CHSY3: variants seen among roughly 807,000 people sequenced by gnomAD.
CHSY3 encodes chondroitin sulfate synthase 3, also known as N-acetylgalactosaminyl-proteoglycan 3-beta-glucuronosyltransferase 3.
CHSY3 carries 35 observed loss-of-function variants against 67.2 expected under a neutral mutation model. The ratio of observed to expected loss-of-function variants is 0.52; its 90% CI spans 0.40 to 0.69. CHSY3 has a LOEUF of 0.69. Among genes scored for constraint, CHSY3 ranks in the 30% least tolerant of loss-of-function variants. The pLI is 0.00. For synonymous variants in CHSY3, 474 were observed against 434.7 expected, an observed-to-expected ratio of 1.09 and a Z score of -1.12; for missense variants, 1,069 against 1,138.5, an observed-to-expected ratio of 0.94 and a Z score of 0.88.
chr5:130,167,249 A>G (rs999925278), intron 2 of CHSY3, among the ~76,000 whole-genome samples: 5 of 152,142 alleles, frequency 3.3e-5, no homozygotes, highest in African/African-American at 1.2e-4. Context: ...TTAGAGGGGA[A>G]GTTGGCTGGT....
At position 129,941,968 on chromosome 5, in the gene CHSY3, G is replaced by A. The variant is rs577861977; in HGVS notation, c.1086+33608G>A. Among the ~76,000 whole-genome samples the A allele has an allele frequency of 7.2e-5, 11 of 152,272 alleles. No individual in the cohort carries two copies. In the South Asian group the frequency reaches 2.1e-3, roughly 29 times the overall value. On this transcript the variant is annotated intron_variant, in intron 2 of 2. Coordinates refer to ENST00000305031, the MANE Select transcript of CHSY3 (RefSeq NM_175856.5). ...TTAGTGGTTTATTATAAAGGACACT[G>A]CAAAGGATACAGATAAAGAGATGCG...
In CHSY3 at chr5:130,186,016, T is replaced by C. The variant is rs1222773361; in HGVS notation, c.*225T>C. 1 of 276,114 alleles carries C rather than the reference T, an allele frequency of 3.6e-6. No individual in the cohort carries two copies. The highest frequency in any genetic ancestry group is 5.1e-5 in the Admixed American group (1 of 19,466). The allele number at this position is 276,114 out of a possible 1,614,324, so 17.1% of individuals were successfully genotyped here. A position where few individuals can be genotyped will look rare whatever the true frequency, so the allele number is the denominator to read the frequency against. On this transcript the variant is annotated 3_prime_UTR_variant, in exon 3 of 3. Transcript: ENST00000305031. ...TTTCAGATTTCTACTGAAGTCAATATGTTATTACTTTTATATAACTTTATT... is the reference window on the plus strand; with the variant it reads ...TTTCAGATTTCTACTGAAGTCAATACGTTATTACTTTTATATAACTTTATT...
At chr5:130,124,312 C>T (rs1005112348) in intron 2 of CHSY3, among the ~76,000 whole-genome samples, 12 of 151,986 alleles carry the variant, frequency 7.9e-5, no homozygotes, top group Admixed American at 2.0e-4. Flanking sequence ...TAATCTCTGC[C>T]CCTGAATCTT....
intron 2 of CHSY3, among the ~76,000 whole-genome samples, chr5:130,027,482 CTTA>C (rs1400807048): frequency 6.6e-6 from 1 of 151,746 alleles, no homozygotes; most frequent in African/African-American, 2.4e-5. Flanking sequence ...TAATTTTATT[CTTA>C]TTATACTTTA....
intron 2 of CHSY3, among the ~76,000 whole-genome samples, chr5:130,169,660 C>G (rs572724655): frequency 3.6e-4 from 53 of 146,208 alleles, no homozygotes; most frequent in Non-Finnish European, 6.9e-4. Flanking sequence ...CAAGGCTAAA[C>G]AGTTGGTTGC....
intron 2 of CHSY3, among the ~76,000 whole-genome samples, chr5:130,079,911 C>T (rs1766391284): frequency 6.6e-6 from 1 of 151,926 alleles, no homozygotes; most frequent in Admixed American, 6.6e-5. Flanking sequence ...CTCTGGCTAC[C>T]TTCTAATGAT....
chr5:129,938,804 A>G (rs1034766422), intron 2 of CHSY3, among the ~76,000 whole-genome samples: 5 of 152,140 alleles, frequency 3.3e-5, no homozygotes, highest in Non-Finnish European at 7.4e-5. Context: ...ATAATTTAAC[A>G]CGTCTCTAGG....
chr5:130,153,522 G>A lies in CHSY3; in HGVS notation c.1087-30707G>A, dbSNP rs368471820. ...CACCTTTGATCCTTTAAATCTCAGC[G>A]TATAATCCCCAATCTGGGAAGCCTT... is the stretch of plus-strand genomic sequence containing the variant. On this transcript the variant is annotated intron_variant, in intron 2 of 2. Transcript: ENST00000305031. Among the ~76,000 whole-genome samples, 325 of 151,950 alleles carry A rather than the reference G, an allele frequency of 2.1e-3. 6 individuals are homozygous for A. The South Asian group carries it at 0.036, about 17-fold the overall frequency.
intron 2 of CHSY3, among the ~76,000 whole-genome samples, chr5:130,078,824 G>C (rs1766355387): frequency 1.3e-5 from 2 of 152,302 alleles, no homozygotes; most frequent in African/African-American, 4.8e-5. Context: ...ACAGGCAGCT[G>C]TTGAGAAACA....
chr5:130,185,884 A>G lies in CHSY3; in HGVS notation c.*93A>G. 1.1e-5 allele frequency: 7 copies of G among 652,080 alleles called. No homozygotes were observed. The highest frequency in any genetic ancestry group is 1.6e-5 in the Non-Finnish European group (7 of 451,316). The allele number at this position is 652,080 out of a possible 1,614,324, so 40.4% of individuals were successfully genotyped here. On this transcript the variant is annotated 3_prime_UTR_variant, in exon 3 of 3. Coordinates refer to ENST00000305031, the MANE Select transcript of CHSY3 (RefSeq NM_175856.5). ...ATTGTATTATTGTTATTTTATTATTATTATTGTTATAATTTTATTTTGTTG... is the reference window on the plus strand; with the variant it reads ...ATTGTATTATTGTTATTTTATTATTGTTATTGTTATAATTTTATTTTGTTG...
At chr5:129,949,744 C>A (rs1405683689) in intron 2 of CHSY3, among the ~76,000 whole-genome samples, 1 of 152,148 alleles carries the variant, frequency 6.6e-6, no homozygotes, top group Non-Finnish European at 1.5e-5. Flanking sequence ...TTTAATAGCA[C>A]TTTACAAACA....
Position 130,185,071 on chromosome 5 carries a change from C to T in CHSY3, c.1929C>T (p.Asn643=), listed in dbSNP as rs1260474543. ...TGAGATTCATGGAGAACTTTGAAAA[C>T]ATGTGTCTTATCCCAAAGCAGAATG... The part of the protein sequence containing the change: ...IFLRFMENFE[N]MCLIPKQNVK... The change falls in exon 3 of 3, where the codon AAC becomes AAT. Residue 643 remains asparagine (N), a synonymous_variant. Coordinates refer to ENST00000305031, the MANE Select transcript of CHSY3 (RefSeq NM_175856.5). 6.2e-7 allele frequency: 1 copy of T among 1,604,726 alleles called. No individual in the cohort carries two copies. Among genetic ancestry groups the T allele is most frequent in the South Asian group, 1.1e-5 (1 of 90,860 alleles).
In CHSY3 at chr5:129,991,695, G is replaced by A. The variant is rs10520061; in HGVS notation, c.1086+83335G>A. Among the ~76,000 whole-genome samples, 2,536 of 152,154 alleles carry A rather than the reference G, an allele frequency of 0.017. 131 individuals carry two copies. In the East Asian group the frequency reaches 0.17, roughly 10 times the overall value. On this transcript the variant is annotated intron_variant, in intron 2 of 2. Coordinates refer to ENST00000305031, the MANE Select transcript of CHSY3 (RefSeq NM_175856.5). ...AGCCATGGGTAGTGCCTTAATAGCA[G>A]CATAGGCAATAGCTATCACTGGATG...
chr5:130,035,003 C>T (rs10213892), intron 2 of CHSY3, among the ~76,000 whole-genome samples: 92,649 of 151,806 alleles, frequency 0.61, 28,518 homozygotes, highest in African/African-American at 0.68. Context: ...AGAGAACTAA[C>T]AGGGGAAACA....
chr5:130,153,892 T>A (rs150752765), intron 2 of CHSY3, among the ~76,000 whole-genome samples: 76 of 151,572 alleles, frequency 5.0e-4, no homozygotes, highest in African/African-American at 1.6e-3. Flanking sequence ...CCATAGAAAT[T>A]TGGATTTCTG....
chr5:130,011,862 A>G lies in CHSY3; in HGVS notation c.1086+103502A>G, dbSNP rs188026938. Among the ~76,000 whole-genome samples, 21 of 152,310 alleles carry G rather than the reference A, an allele frequency of 1.4e-4. No individual in the cohort carries two copies. In the East Asian group the frequency reaches 4.1e-3, roughly 29 times the overall value. On this transcript the variant is annotated intron_variant, in intron 2 of 2. Coordinates refer to ENST00000305031, the MANE Select transcript of CHSY3 (RefSeq NM_175856.5). ...AATCAAGAAGACAATCCCATTCACA[A>G]TAGCCACAAAAAGAAGAAGATGCCT...
intron 2 of CHSY3, among the ~76,000 whole-genome samples, chr5:130,096,727 A>T (rs899742741): frequency 3.9e-5 from 6 of 152,094 alleles, no homozygotes; most frequent in African/African-American, 1.4e-4. Context: ...TAAATGAGCA[A>T]CCACCACCTG....
At chr5:130,172,232 C>T (rs562955611) in intron 2 of CHSY3, among the ~76,000 whole-genome samples, 1 of 151,838 alleles carries the variant, frequency 6.6e-6, no homozygotes, top group African/African-American at 2.4e-5. Flanking sequence ...GATATGCATT[C>T]ACTTTTAGGA....
Position 129,904,940 on chromosome 5 carries a change from G to C in CHSY3, c.111G>C (p.Arg37Ser). ...CCAGGGTGGCGGAGCTGAGCGAGAGGAAGAGACGTGGCTCCAGCCTCTGCT... is the reference window on the plus strand; with the variant it reads ...CCAGGGTGGCGGAGCTGAGCGAGAGCAAGAGACGTGGCTCCAGCCTCTGCT... ...IAPRVAELSE[R>S]KRRGSSLCSY... Residue 37 changes from arginine to serine, a missense_variant, in exon 1 of 3, where the codon AGG becomes AGC. Arg to Ser is a moderately radical substitution (Grantham distance 110, BLOSUM62 -1). Transcript: ENST00000305031. 6.4e-7 allele frequency: 1 copy of C among 1,553,452 alleles called. No individual in the cohort carries two copies. The highest frequency in any genetic ancestry group is 8.7e-7 in the Non-Finnish European group (1 of 1,153,752).
Sources: gnomAD v4.1 joint callset for allele counts (sites outside exome capture counted in the v4.1 genomes callset) on GRCh38, gnomAD v4.1.1 for gene constraint, MANE v1.5 for transcripts, NCBI Gene and HGNC (gene_info 2026-07-23, HGNC 2026-07-21) for gene names.